The following CREB3L3 variants were observed in gnomAD, a reference collection of about 807,000 sequenced individuals.
The protein encoded by CREB3L3 is cyclic AMP-responsive element-binding protein 3-like protein 3.
A neutral mutation model predicts 44.6 loss-of-function variants in CREB3L3; 40 were observed. The observed-to-expected ratio is 0.90, with a 90% CI of 0.70 to 1.17. The LOEUF (loss-of-function observed/expected upper bound fraction) is 1.17. Among genes scored for constraint, CREB3L3 ranks in the 50% most tolerant of loss-of-function variants. The pLI is 0.00. For synonymous variants in CREB3L3, 273 were observed against 256.3 expected, an observed-to-expected ratio of 1.06 and a Z score of -0.62; for missense variants, 578 against 595.8, an observed-to-expected ratio of 0.97 and a Z score of 0.31.
Position 4,171,678 on chromosome 19 carries a change from C to A in CREB3L3, c.1095C>A (p.Asn365Lys). ...PVRVFSRTLH[N>K]DAASRVAADA... is the part of the protein sequence containing the mutation. ...CAGTGTTCTCCAGAACTTTGCACAA[C>A]GATGCTGCCTCCCGCGTGGCTGCTG... The change falls in exon 10 of 10, where the codon AAC becomes AAA. Residue 365 changes from asparagine (N) to lysine (K), a missense_variant. Asn to Lys is a moderately conservative substitution (Grantham distance 94). Coordinates refer to ENST00000078445, the MANE Select transcript of CREB3L3 (RefSeq NM_032607.3). The surrounding 1 kb of genome is among the most constrained non-coding windows in gnomAD (Gnocchi z 4.9). The A allele has an allele frequency of 6.2e-7, 1 of 1,613,344 alleles. No individual in the cohort carries two copies.
At chr19:4,154,874 C>G (rs759308756) in intron 1 of CREB3L3, 25 bp from the exon 2 acceptor site, 1 of 1,613,500 alleles carries the variant, frequency 6.2e-7, no homozygotes, top group East Asian at 2.2e-5. Context: ...GTATGTGACC[C>G]TCACATCTGT....
intron 1 of CREB3L3, 32 bp from the exon 2 acceptor site, chr19:4,154,867 T>C (rs770088874): frequency 1.9e-6 from 3 of 1,613,464 alleles, no homozygotes; most frequent in Non-Finnish European, 2.5e-6. Flanking sequence ...AGGGGCTGTA[T>C]GTGACCCTCA....
At position 4,154,876 on chromosome 19, in the gene CREB3L3, C is replaced by A; in HGVS notation, c.28-23C>A. 3 of 1,613,694 alleles carry A rather than the reference C, an allele frequency of 1.9e-6. No homozygotes were observed. The East Asian group carries it at 6.7e-5, about 36-fold the overall frequency. ...GAGGACAGGGGCTGTATGTGACCCT[C>A]ACATCTGTTCCTCGCGCCCCAGATG... On this transcript the variant is annotated intron_variant, in intron 1 of 9. Coordinates refer to ENST00000078445, the MANE Select transcript of CREB3L3 (RefSeq NM_032607.3).
At chr19:4,157,439 G>T (rs1196366709) in intron 3 of CREB3L3, 144 bp downstream of exon 3, 9 of 869,016 alleles carry the variant, frequency 1.0e-5, no homozygotes, top group Non-Finnish European at 1.7e-5. Context: ...TCAAACTCAG[G>T]ACACGTGTCT....
Position 4,164,458 on chromosome 19 carries a change from T to C in CREB3L3, c.577-45T>C, listed in dbSNP as rs374632778. 72 of 1,612,166 alleles carry C rather than the reference T, an allele frequency of 4.5e-5. 1 individual carries two copies. The highest frequency in any genetic ancestry group is 3.3e-4 in the Middle Eastern group (2 of 5,976). On this transcript the variant is annotated intron_variant, in intron 4 of 9. Coordinates refer to ENST00000078445, the MANE Select transcript of CREB3L3 (RefSeq NM_032607.3). ...TACCTCTTTCATTTCCTGAAGGCAG[T>C]TGGCGTCCCTGCACCCGCCGTCATT...
chr19:4,157,077 G>C lies in CREB3L3; in HGVS notation c.239G>C (p.Trp80Ser). Reference protein sequence around the residue: ...SGDSLPSSPLWSPEGSDSGIS... With the variant: ...SGDSLPSSPLSSPEGSDSGIS... Reference sequence around the variant, plus strand: ...GACTCACTGCCCAGCTCCCCACTCTGGTCCCCCGAAGGCAGTGATAGTGGC... The same window carrying C: ...GACTCACTGCCCAGCTCCCCACTCTCGTCCCCCGAAGGCAGTGATAGTGGC... Residue 80 changes from tryptophan to serine, a missense_variant, in exon 3 of 10, where the codon TGG becomes TCG. Physicochemically the swap from Trp to Ser is radical, Grantham distance 177. Coordinates refer to ENST00000078445, the MANE Select transcript of CREB3L3 (RefSeq NM_032607.3). 3 of 1,613,886 alleles carry C rather than the reference G, an allele frequency of 1.9e-6. No individual in the cohort carries two copies. Among genetic ancestry groups the C allele is most frequent in the Non-Finnish European group, 2.5e-6 (3 of 1,179,984 alleles).
intron 4 of CREB3L3, among the ~76,000 whole-genome samples, chr19:4,164,167 G>A (rs1325202478): frequency 6.6e-6 from 1 of 151,786 alleles, no homozygotes; most frequent in Non-Finnish European, 1.5e-5. Flanking sequence ...TAGAGACGGG[G>A]TTTCACCATG....
chr19:4,169,339 G>T (rs1483297823), intron 6 of CREB3L3, among the ~76,000 whole-genome samples: 1 of 151,834 alleles, frequency 6.6e-6, no homozygotes, highest in East Asian at 2.0e-4. Context: ...AATTAACTGG[G>T]CTTGGTGGCG....
chr19:4,171,693 C>CT lies in CREB3L3; in HGVS notation c.1110_1111insT (p.Val371CysfsTer4). ...CTTTGCACAACGATGCTGCCTCCCG[C>CT]GTGGCTGCTGATGCTGTGCCAGGCT... On this transcript the variant is annotated frameshift_variant, in exon 10 of 10. Transcript: ENST00000078445. LOFTEE classifies it low-confidence loss of function (END_TRUNC). The surrounding 1 kb of genome is among the most constrained non-coding windows in gnomAD (Gnocchi z 4.9). 1 of 1,613,264 alleles carries CT rather than the reference C, an allele frequency of 6.2e-7. No individual in the cohort carries two copies. The highest frequency in any genetic ancestry group is 8.5e-7 in the Non-Finnish European group (1 of 1,180,014).
At chr19:4,157,741 A>G (rs1438682012) in intron 3 of CREB3L3, among the ~76,000 whole-genome samples, 1 of 151,964 alleles carries the variant, frequency 6.6e-6, no homozygotes, top group Non-Finnish European at 1.5e-5. Context: ...GCTGGAGTAA[A>G]GTGGCGCGAT....
chr19:4,155,635 C>T (rs773112223), intron 2 of CREB3L3, among the ~76,000 whole-genome samples: 4 of 151,810 alleles, frequency 2.6e-5, no homozygotes, highest in Non-Finnish European at 5.9e-5. Context: ...AGATTACAGG[C>T]GTGTGCCACC....
chr19:4,157,065 G>C lies in CREB3L3; in HGVS notation c.227G>C (p.Ser76Thr). ...SILGSGDSLP[S>T]SPLWSPEGSD... ...CTGGGCTCTGGAGACTCACTGCCCA[G>C]CTCCCCACTCTGGTCCCCCGAAGGC... Residue 76 changes from serine (S) to threonine (T), a missense_variant, in exon 3 of 10, where the codon AGC becomes ACC. Ser to Thr is a moderately conservative substitution (Grantham distance 58). Transcript: ENST00000078445. 1 of 1,613,946 alleles carries C rather than the reference G, an allele frequency of 6.2e-7. No homozygotes were observed. Among genetic ancestry groups the C allele is most frequent in the South Asian group, 1.1e-5 (1 of 91,062 alleles).
chr19:4,164,866 G>A (rs999835262), intron 5 of CREB3L3, among the ~76,000 whole-genome samples: 15 of 149,898 alleles, frequency 1.0e-4, no homozygotes, highest in African/African-American at 2.7e-4. Flanking sequence ...GCGCCACCAC[G>A]CCCAGCTAAT....
In CREB3L3 at chr19:4,172,242, G is replaced by A. The variant is rs1967068568; in HGVS notation, c.*273G>A. On this transcript the variant is annotated 3_prime_UTR_variant, in exon 10 of 10. Transcript: ENST00000078445. The stretch of plus-strand genomic sequence containing the variant: ...CAAAGAGCAGACACACATACAGCCT[G>A]AAACAGACCTGGACAGACAGACACA... 3.5e-6 allele frequency: 2 copies of A among 574,656 alleles called. No homozygotes were observed. The highest frequency in any genetic ancestry group is 6.2e-5 in the Admixed American group (2 of 32,282). The allele number at this position is 574,656 out of a possible 1,614,324, so 35.6% of individuals were successfully genotyped here.
chr19:4,168,877 G>A (rs1273857693), intron 6 of CREB3L3, among the ~76,000 whole-genome samples: 1 of 152,010 alleles, frequency 6.6e-6, no homozygotes, highest in African/African-American at 2.4e-5. Context: ...GATTACAGGT[G>A]CATGGCCACC....
chr19:4,164,302 T>C, intron 4 of CREB3L3: 1 of 646,314 alleles, frequency 1.5e-6, no homozygotes, highest in South Asian at 1.7e-5. Context: ...GAGACGAGGT[T>C]TCATCATGTT....
chr19:4,164,011 T>A (rs2041694436), intron 4 of CREB3L3, among the ~76,000 whole-genome samples: 1 of 143,558 alleles, frequency 7.0e-6, no homozygotes, highest in African/African-American at 2.6e-5. Flanking sequence ...TCTCATACTG[T>A]CACTAGGGCT....
intron 7 of CREB3L3, among the ~76,000 whole-genome samples, chr19:4,170,753 CA>C (rs968232878): frequency 9.4e-5 from 14 of 149,194 alleles, no homozygotes; most frequent in African/African-American, 3.0e-4. Context: ...ACTAAAAATA[CA>C]AAAAAAATTA....
chr19:4,158,185 C>T (rs901076506), intron 3 of CREB3L3, among the ~76,000 whole-genome samples: 1 of 151,314 alleles, frequency 6.6e-6, no homozygotes, highest in Non-Finnish European at 1.5e-5. Context: ...TCTTCTTGGT[C>T]CCATTGGAGA....
Sources: gnomAD v4.1 joint callset for allele counts (sites outside exome capture counted in the v4.1 genomes callset) on GRCh38, gnomAD v4.1.1 for gene constraint, Gnocchi (gnomAD v3.1) non-coding constraint, MANE v1.5 for transcripts, NCBI Gene and HGNC (gene_info 2026-07-23, HGNC 2026-07-21) for gene names.